EDEM3: variants seen among roughly 807,000 people sequenced by gnomAD.
EDEM3 encodes ER degradation enhancing alpha-mannosidase like protein 3.
EDEM3 carries 60 observed loss-of-function variants against 110.2 expected under a neutral mutation model. The observed-to-expected ratio is 0.54, with a 90% CI of 0.44 to 0.67. The LOEUF (loss-of-function observed/expected upper bound fraction) is 0.67. Among genes scored for constraint, EDEM3 ranks in the 30% least tolerant of loss-of-function variants. The pLI, the probability that EDEM3 is intolerant of heterozygous loss-of-function variation, is 0.00. For synonymous variants in EDEM3, 352 were observed against 382.9 expected (o/e 0.92, Z 0.94); for missense variants, 996 against 1,121.0 (o/e 0.89, Z 1.59).
At chr1:184,699,428 C>T (rs915725334) in intron 19 of EDEM3, among the ~76,000 whole-genome samples, 2 of 151,616 alleles carry the variant, frequency 1.3e-5, no homozygotes, top group African/African-American at 4.8e-5. Flanking sequence ...GAAGAGATGG[C>T]GCAAATGTGA....
At position 184,754,807 on chromosome 1, in the gene EDEM3, C is replaced by G. The variant is rs987627706; in HGVS notation, c.-161G>C. 3.3e-6 allele frequency: 4 copies of G among 1,194,798 alleles called. No individual in the cohort carries two copies. The highest frequency in any genetic ancestry group is 1.7e-5 in the South Asian group (1 of 57,802). 74.0% of individuals were successfully genotyped at this position (1,194,798 alleles called of 1,614,324 possible). ...AAACTGTTTCCCGAAGCCACCAAGC[C>G]GGTCCCCAGCGCCAGCGCTGCCACC... On this transcript the variant is annotated 5_prime_UTR_variant, in exon 1 of 20. Coordinates refer to ENST00000318130, the MANE Select transcript of EDEM3 (RefSeq NM_025191.4).
chr1:184,746,861 T>G (rs1025967529), intron 2 of EDEM3, among the ~76,000 whole-genome samples: 22 of 152,290 alleles, frequency 1.4e-4, no homozygotes, highest in African/African-American at 5.3e-4. Flanking sequence ...ATTAAAAGCC[T>G]GCCATGTACC....
intron 19 of EDEM3, among the ~76,000 whole-genome samples, chr1:184,698,442 C>T (rs1372873571): frequency 6.6e-6 from 1 of 151,736 alleles, no homozygotes; most frequent in Non-Finnish European, 1.5e-5. Context: ...CATAATGCAG[C>T]TTTCAAAAGA....
At chr1:184,729,917 A>G (rs1033227662) in intron 6 of EDEM3, among the ~76,000 whole-genome samples, 3 of 152,218 alleles carry the variant, frequency 2.0e-5, no homozygotes, top group African/African-American at 7.2e-5. Flanking sequence ...AAAAACTAAA[A>G]GTATTTACTA....
At chr1:184,736,978 A>G in intron 4 of EDEM3, 47 bp downstream of exon 4, 1 of 1,411,298 alleles carries the variant, frequency 7.1e-7, no homozygotes, top group Non-Finnish European at 1.0e-6. Flanking sequence ...ATAATACTTA[A>G]GTGTGCATAT....
chr1:184,692,228 T>A lies in EDEM3; in HGVS notation c.*1835A>T, dbSNP rs1028992110. ...TAAAATGAACAAAGCACTATATCTA[T>A]CCTTCCATATACTGTATATATTATA... On this transcript the variant is annotated 3_prime_UTR_variant, in exon 20 of 20. Coordinates refer to ENST00000318130, the MANE Select transcript of EDEM3 (RefSeq NM_025191.4). 6.6e-6 allele frequency: 1 copy of A among 152,108 alleles called. No homozygotes were observed. Among genetic ancestry groups the A allele is most frequent in the African/African-American group, 2.4e-5 (1 of 41,452 alleles). 9.4% of individuals were successfully genotyped at this position (152,108 alleles called of 1,614,324 possible).
chr1:184,725,495 T>G (rs1651140910), intron 7 of EDEM3, among the ~76,000 whole-genome samples: 1 of 151,962 alleles, frequency 6.6e-6, no homozygotes, highest in Admixed American at 6.6e-5. Context: ...AATCTGTCCT[T>G]GAGACATTTG....
At chr1:184,749,165 A>T (rs189804791) in intron 2 of EDEM3, among the ~76,000 whole-genome samples, 2 of 152,318 alleles carry the variant, frequency 1.3e-5, no homozygotes, top group East Asian at 1.9e-4. Flanking sequence ...TTTCTCTTTT[A>T]AGCAATGGTT....
At chr1:184,729,028 G>C (rs917444723) in intron 6 of EDEM3, among the ~76,000 whole-genome samples, 1 of 152,130 alleles carries the variant, frequency 6.6e-6, no homozygotes, top group African/African-American at 2.4e-5. Context: ...ATCCTCTGGT[G>C]GATCTAGGGG....
intron 2 of EDEM3, among the ~76,000 whole-genome samples, chr1:184,742,447 G>A (rs1470113807): frequency 6.6e-6 from 1 of 152,054 alleles, no homozygotes; most frequent in East Asian, 1.9e-4. Flanking sequence ...GCTGGAGTGT[G>A]GTGGTGCAAT....
chr1:184,723,740 A>C lies in EDEM3; in HGVS notation c.853+11T>G. The C allele has an allele frequency of 6.3e-7, 1 of 1,576,752 alleles. No individual in the cohort carries two copies. The highest frequency in any genetic ancestry group is 8.6e-7 in the Non-Finnish European group (1 of 1,158,834). On this transcript the variant is annotated intron_variant, in intron 8 of 19. Transcript: ENST00000318130. ...TGCAAAGGCTTGATTTAAAAAGCCT[A>C]ACTTACATACCTTTTCGTACCCAAT... is the stretch of plus-strand genomic sequence containing the variant.
chr1:184,723,952 C>A, intron 7 of EDEM3, 96 bp from the exon 8 acceptor site: 1 of 837,630 alleles, frequency 1.2e-6, no homozygotes, highest in Non-Finnish European at 1.8e-6. Flanking sequence ...ACTCAAAGGC[C>A]GATAGGATAT....
At chr1:184,711,921 A>T in intron 14 of EDEM3, 44 bp from the exon 15 acceptor site, 4 of 1,508,582 alleles carry the variant, frequency 2.7e-6, no homozygotes, top group South Asian at 1.3e-5. Flanking sequence ...TAATTATTTT[A>T]CTTAACATAA....
chr1:184,728,758 C>T (rs1651334702), intron 6 of EDEM3, among the ~76,000 whole-genome samples: 2 of 152,074 alleles, frequency 1.3e-5, no homozygotes, highest in African/African-American at 4.8e-5. Context: ...TACAGGCACA[C>T]ACCACTACAT....
chr1:184,739,810 T>C (rs943278303), intron 2 of EDEM3, among the ~76,000 whole-genome samples: 4 of 152,156 alleles, frequency 2.6e-5, no homozygotes, highest in East Asian at 1.9e-4. Context: ...TTTTAACACA[T>C]AGTTGAGCTT....
At chr1:184,725,788 A>T (rs1421140798) in intron 7 of EDEM3, among the ~76,000 whole-genome samples, 1 of 152,094 alleles carries the variant, frequency 6.6e-6, no homozygotes, top group Non-Finnish European at 1.5e-5. Context: ...TTGGATAATG[A>T]ATAACATTTC....
At chr1:184,721,645 A>C (rs1327194577) in intron 8 of EDEM3, among the ~76,000 whole-genome samples, 10 of 152,018 alleles carry the variant, frequency 6.6e-5, no homozygotes, top group Non-Finnish European at 2.9e-5. Context: ...TGTATAAATG[A>C]ATAGTAAATT....
intron 19 of EDEM3, among the ~76,000 whole-genome samples, chr1:184,697,450 G>T (rs937496759): frequency 6.6e-6 from 1 of 151,788 alleles, no homozygotes; most frequent in African/African-American, 2.4e-5. Context: ...GGGGAGAGTT[G>T]CCCTATCAGA....
At chr1:184,713,948 T>C (rs1571369194) in intron 13 of EDEM3, among the ~76,000 whole-genome samples, 2 of 152,276 alleles carry the variant, frequency 1.3e-5, no homozygotes, top group Admixed American at 1.3e-4. Flanking sequence ...CACATGATTT[T>C]TTATTTTGGA....
Sources: allele counts gnomAD v4.1 joint callset (sites outside exome capture counted in the v4.1 genomes callset), GRCh38; gene constraint gnomAD v4.1.1; transcripts MANE v1.5; gene names NCBI Gene and HGNC (gene_info 2026-07-23, HGNC 2026-07-21).